KDM4C: variants seen among roughly 807,000 people sequenced by gnomAD.
KDM4C encodes the protein lysine demethylase 4C.
In KDM4C, 81 loss-of-function variants were observed where a neutral mutation model predicts 129.3. That is an observed-to-expected ratio of 0.63 (90% CI 0.52 to 0.75). The LOEUF (loss-of-function observed/expected upper bound fraction) is 0.75, where lower values mean the gene tolerates loss of function less well. Among genes scored for constraint, KDM4C ranks in the 30% least tolerant of loss-of-function variants. KDM4C has a pLI of 0.00. For missense variants in KDM4C, 1,457 were observed against 1,304.0 expected (o/e 1.12, Z -1.81); for synonymous variants, 573 against 456.1 (o/e 1.26, Z -3.26).
intron 19 of KDM4C, among the ~76,000 whole-genome samples, chr9:7,138,651 CAAAAAAATTT>C (rs1443958347): frequency 6.6e-6 from 1 of 151,708 alleles, no homozygotes; most frequent in Non-Finnish European, 1.5e-5. Context: ...CTCTTCTTTA[CAAAAAAATTT>C]AAAAAAATTT....
chr9:7,124,115 T>C (rs1224031540), intron 18 of KDM4C, among the ~76,000 whole-genome samples: 1 of 152,196 alleles, frequency 6.6e-6, no homozygotes, highest in East Asian at 1.9e-4. Flanking sequence ...CTTCCACAGA[T>C]GACCAAACTG....
intron 3 of KDM4C, among the ~76,000 whole-genome samples, chr9:6,810,569 A>G (rs1213228510): frequency 3.9e-5 from 6 of 152,184 alleles, no homozygotes; most frequent in African/African-American, 1.4e-4. Flanking sequence ...CTTTAATTTT[A>G]TTTCTTTTGA....
intron 6 of KDM4C, among the ~76,000 whole-genome samples, chr9:6,881,385 T>C (rs1350263217): frequency 6.6e-6 from 1 of 152,206 alleles, no homozygotes; most frequent in Non-Finnish European, 1.5e-5. Flanking sequence ...GGGACTGTTT[T>C]CATGAATAAG....
chr9:6,729,823 C>T (rs138912450), intron 1 of KDM4C, among the ~76,000 whole-genome samples: 2 of 133,930 alleles, frequency 1.5e-5, no homozygotes, highest in Non-Finnish European at 3.1e-5. Flanking sequence ...ATAAAGCCTT[C>T]CTTAGGCCGG....
chr9:6,977,239 C>T (rs1456904886), intron 8 of KDM4C, among the ~76,000 whole-genome samples: 4 of 152,120 alleles, frequency 2.6e-5, no homozygotes, highest in Admixed American at 1.3e-4. Context: ...AATTGATCTT[C>T]TACATTGGGT....
chr9:6,962,895 A>G (rs1830269389), intron 8 of KDM4C, among the ~76,000 whole-genome samples: 1 of 152,238 alleles, frequency 6.6e-6, no homozygotes, highest in East Asian at 1.9e-4. Context: ...GCATGTGAGA[A>G]TTATCTAGCT....
chr9:7,121,081 T>C (rs1032273485), intron 18 of KDM4C, among the ~76,000 whole-genome samples: 1 of 152,220 alleles, frequency 6.6e-6, no homozygotes, highest in Non-Finnish European at 1.5e-5. Context: ...TTTCTCAGTG[T>C]TCCTTTTTTC....
chr9:6,871,875 C>T (rs1442086998), intron 5 of KDM4C, among the ~76,000 whole-genome samples: 1 of 152,024 alleles, frequency 6.6e-6, no homozygotes, highest in Non-Finnish European at 1.5e-5. Flanking sequence ...ATGATGTGTG[C>T]ACATTGAGCA....
intron 17 of KDM4C, among the ~76,000 whole-genome samples, chr9:7,074,386 C>T (rs1042354634): frequency 6.6e-6 from 1 of 152,012 alleles, no homozygotes; most frequent in Non-Finnish European, 1.5e-5. Flanking sequence ...AGGGTGATCT[C>T]GAACTCCTGA....
chr9:6,887,460 T>C (rs931466333), intron 6 of KDM4C, among the ~76,000 whole-genome samples: 5 of 152,186 alleles, frequency 3.3e-5, no homozygotes, highest in Non-Finnish European at 7.3e-5. Context: ...TAGTAGCAAT[T>C]AGTTTCAGAT....
chr9:7,088,208 A>AG (rs1469106949), intron 17 of KDM4C, among the ~76,000 whole-genome samples: 14 of 152,202 alleles, frequency 9.2e-5, no homozygotes, highest in Admixed American at 5.2e-4. Flanking sequence ...CTGCCTCGGA[A>AG]GGACCCTTAA....
chr9:6,990,722 C>T (rs561706844), intron 12 of KDM4C, among the ~76,000 whole-genome samples, 198 bp downstream of exon 12: 1 of 152,102 alleles, frequency 6.6e-6, no homozygotes, highest in East Asian at 1.9e-4. Flanking sequence ...TATAAGCTAG[C>T]CTTATTACTG....
At chr9:6,952,881 T>C (rs1482998849) in intron 8 of KDM4C, among the ~76,000 whole-genome samples, 1 of 152,242 alleles carries the variant, frequency 6.6e-6, no homozygotes, top group African/African-American at 2.4e-5. Context: ...TAGTCCTTGT[T>C]ACTCAACATT....
intron 20 of KDM4C, 135 bp downstream of exon 20, chr9:7,165,492 T>C: frequency 9.8e-7 from 1 of 1,020,616 alleles, no homozygotes. Flanking sequence ...GAGGCAAAGA[T>C]TCAATGTGTA....
intron 17 of KDM4C, among the ~76,000 whole-genome samples, chr9:7,052,910 T>TTGTAGAGTGGGGTGCTTTA (rs1554718570): frequency 7.9e-6 from 1 of 126,716 alleles, no homozygotes. Context: ...AGCGAGCGAG[T>TTGTAGAGTGGGGTGCTTTA]GCCCAAGGGA....
intron 2 of KDM4C, among the ~76,000 whole-genome samples, chr9:6,804,821 A>G (rs1389962421): frequency 6.6e-6 from 1 of 152,174 alleles, no homozygotes; most frequent in Non-Finnish European, 1.5e-5. Flanking sequence ...AATAATATAA[A>G]CAGCACATAG....
chr9:6,949,831 G>GGAAAGA (rs1185966960), intron 8 of KDM4C, among the ~76,000 whole-genome samples: 1 of 152,040 alleles, frequency 6.6e-6, no homozygotes, highest in Non-Finnish European at 1.5e-5. Context: ...GGGAGACCGT[G>GGAAAGA]GAGGGAGAGG....
At chr9:7,114,150 C>T (rs1042417007) in intron 18 of KDM4C, among the ~76,000 whole-genome samples, 2 of 152,244 alleles carry the variant, frequency 1.3e-5, no homozygotes, top group East Asian at 3.9e-4. Context: ...CATACTACTC[C>T]TTATTCTGTT....
intron 3 of KDM4C, among the ~76,000 whole-genome samples, chr9:6,807,228 C>T (rs1830160755): frequency 1.3e-5 from 2 of 152,182 alleles, no homozygotes; most frequent in African/African-American, 4.8e-5. Context: ...GGCGTGATCT[C>T]GGCTCACTAT....
Sources: gnomAD v4.1 joint callset for allele counts (sites outside exome capture counted in the v4.1 genomes callset) on GRCh38, gnomAD v4.1.1 for gene constraint, MANE v1.5 for transcripts, NCBI Gene and HGNC (gene_info 2026-07-23, HGNC 2026-07-21) for gene names.